Variants in CYTH1 observed in about 807,000 individuals in gnomAD.
CYTH1 encodes the protein cytohesin-1.
Under a neutral mutation model 61.8 loss-of-function variants are expected in CYTH1, and 18 were observed. That is an observed-to-expected ratio of 0.29 (90% CI 0.20 to 0.43). The LOEUF (loss-of-function observed/expected upper bound fraction) is 0.43, where lower values mean the gene tolerates loss of function less well. Among genes scored for constraint, CYTH1 ranks in the 20% least tolerant of loss-of-function variants. CYTH1 has a pLI of 1.00. For synonymous variants in CYTH1, 174 were observed against 184.3 expected (o/e 0.94, Z 0.45); for missense variants, 336 against 510.5 (o/e 0.66, Z 3.29).
chr17:78,768,774 C>G (rs1010217681), intron 1 of CYTH1, among the ~76,000 whole-genome samples: 1 of 152,098 alleles, frequency 6.6e-6, no homozygotes, highest in Non-Finnish European at 1.5e-5. Context: ...TTCTAAAATG[C>G]AACAGAATGC....
At chr17:78,756,973 T>G (rs1283693566) in intron 1 of CYTH1, among the ~76,000 whole-genome samples, 1 of 149,246 alleles carries the variant, frequency 6.7e-6, no homozygotes. Flanking sequence ...AGGTTTGAAT[T>G]TTTTTCTTTT....
intron 1 of CYTH1, among the ~76,000 whole-genome samples, chr17:78,746,990 T>C (rs1212559177): frequency 1.3e-5 from 2 of 151,604 alleles, no homozygotes. Flanking sequence ...AAAAAAAGAT[T>C]TGACTCTTTA....
intron 1 of CYTH1, among the ~76,000 whole-genome samples, chr17:78,741,431 G>C (rs1250051189): frequency 6.6e-6 from 1 of 152,082 alleles, no homozygotes; most frequent in Non-Finnish European, 1.5e-5. Flanking sequence ...AATATTCTAG[G>C]GAAGGTTTGT....
At chr17:78,743,206 G>A (rs922220668) in intron 1 of CYTH1, among the ~76,000 whole-genome samples, 1 of 152,194 alleles carries the variant, frequency 6.6e-6, no homozygotes, top group Admixed American at 6.5e-5. Flanking sequence ...AAATAAGCCA[G>A]GAAGAATATA....
intron 6 of CYTH1, among the ~76,000 whole-genome samples, 156 bp downstream of exon 6, chr17:78,701,515 A>C (rs1272364143): frequency 2.6e-5 from 4 of 152,208 alleles, no homozygotes; most frequent in Non-Finnish European, 2.9e-5. Context: ...AGTCATTCCC[A>C]GTCAGAGACC....
intron 3 of CYTH1, among the ~76,000 whole-genome samples, chr17:78,705,149 TGAAACTCCTGG>T (rs2093052445): frequency 6.6e-6 from 1 of 151,920 alleles, no homozygotes; most frequent in African/African-American, 2.4e-5. Context: ...AAGCAAGGGG[TGAAACTCCTGG>T]GAATGCTCAG....
chr17:78,740,421 A>C (rs1379485454), intron 1 of CYTH1, among the ~76,000 whole-genome samples: 1 of 152,070 alleles, frequency 6.6e-6, no homozygotes, highest in Non-Finnish European at 1.5e-5. Context: ...TTATACTTCC[A>C]GTTCACATTC....
At chr17:78,734,503 C>T (rs909674440) in intron 1 of CYTH1, among the ~76,000 whole-genome samples, 7 of 123,028 alleles carry the variant, frequency 5.7e-5, no homozygotes, top group South Asian at 2.8e-4. Flanking sequence ...TGCAGTGGTA[C>T]GATTTCGGCT....
intron 1 of CYTH1, among the ~76,000 whole-genome samples, chr17:78,769,102 C>T (rs1386907890): frequency 2.6e-5 from 4 of 151,682 alleles, no homozygotes; most frequent in African/African-American, 7.3e-5. Context: ...GCTGACATCA[C>T]GCCACTGCAC....
chr17:78,709,677 T>C lies in CYTH1; in HGVS notation c.78A>G (p.Arg26=), dbSNP rs1445031953. 1 of 1,614,246 alleles carries C rather than the reference T, an allele frequency of 6.2e-7. No individual in the cohort carries two copies. The highest frequency in any genetic ancestry group is 1.3e-5 in the African/African-American group (1 of 75,066). The change falls in exon 2 of 14, where the codon AGA becomes AGG. Residue 26 remains arginine (R), a synonymous_variant. Coordinates refer to ENST00000446868, the MANE Select transcript of CYTH1 (RefSeq NM_004762.6). ...GAATGTCAGCCAGCAGCTCCTGTTT[T>C]CTCCGTCGGATGTTCTCCAGTTCTT... The part of the protein sequence containing the change: ...ERQELENIRR[R]KQELLADIQR...
At chr17:78,749,786 A>C (rs2144668203) in intron 1 of CYTH1, among the ~76,000 whole-genome samples, 1 of 152,192 alleles carries the variant, frequency 6.6e-6, no homozygotes, top group East Asian at 1.9e-4. Context: ...TTTTTTTCCC[A>C]AGATTTTCTC....
At chr17:78,778,712 C>G (rs957046277) in intron 1 of CYTH1, among the ~76,000 whole-genome samples, 3 of 150,384 alleles carry the variant, frequency 2.0e-5, no homozygotes, top group Admixed American at 2.0e-4. Flanking sequence ...CCAACACTTT[C>G]AGAGGCCAAG....
chr17:78,749,445 T>A (rs1011506620), intron 1 of CYTH1, among the ~76,000 whole-genome samples: 1 of 151,938 alleles, frequency 6.6e-6, no homozygotes, highest in Non-Finnish European at 1.5e-5. Context: ...GGGTGACAGA[T>A]TGAGACTCCA....
intron 8 of CYTH1, 113 bp downstream of exon 8, chr17:78,698,707 A>T: frequency 7.8e-7 from 1 of 1,286,916 alleles, no homozygotes; most frequent in Non-Finnish European, 1.0e-6. Flanking sequence ...TAAACAAATT[A>T]AAAGAGGAGA....
At chr17:78,723,925 CAGG>C (rs2093251105) in intron 1 of CYTH1, 1 of 152,322 alleles carries the variant, frequency 6.6e-6, no homozygotes, top group South Asian at 2.1e-4. Context: ...GGAGGGGCTT[CAGG>C]AGGAGTATCC....
Position 78,734,676 on chromosome 17 carries a change from G to A in CYTH1, c.23-24944C>T, listed in dbSNP as rs143203933. Among the ~76,000 whole-genome samples the A allele has an allele frequency of 5.9e-3, 891 of 152,126 alleles. 39 individuals carry two copies. In the East Asian group the frequency reaches 0.11, roughly 19 times the overall value. ...GTTGGTCTGGAACTCCTGACCTCAG[G>A]TGATCCGCCTGCCTGGGCCTCCCAA... On this transcript the variant is annotated intron_variant, in intron 1 of 13. Transcript: ENST00000446868.
chr17:78,766,861 T>C (rs2093450786), intron 1 of CYTH1, among the ~76,000 whole-genome samples: 1 of 152,162 alleles, frequency 6.6e-6, no homozygotes, highest in South Asian at 2.1e-4. Flanking sequence ...AAAAAGCCCA[T>C]TCAAAGCATG....
intron 1 of CYTH1, among the ~76,000 whole-genome samples, chr17:78,729,096 T>C (rs1324253333): frequency 3.3e-5 from 5 of 152,142 alleles, no homozygotes; most frequent in Non-Finnish European, 5.9e-5. Context: ...GGTTAATATC[T>C]TTTTTTAAAT....
At chr17:78,727,573 G>T (rs2093273156) in intron 1 of CYTH1, 2 of 411,456 alleles carry the variant, frequency 4.9e-6, no homozygotes, top group East Asian at 1.6e-4. Context: ...AAAAGTTTGG[G>T]AGAGGTGTAA....
Sources: gnomAD v4.1 joint callset for allele counts (sites outside exome capture counted in the v4.1 genomes callset) on GRCh38, gnomAD v4.1.1 for gene constraint, MANE v1.5 for transcripts, NCBI Gene and HGNC (gene_info 2026-07-23, HGNC 2026-07-21) for gene names.